The following DPY19L1 variants were observed in gnomAD, a reference collection of about 807,000 sequenced individuals.
DPY19L1 encodes the protein protein C-mannosyl-transferase DPY19L1.
In DPY19L1, 35 loss-of-function variants were observed where a neutral mutation model predicts 96.9. The ratio of observed to expected loss-of-function variants is 0.36; its 90% CI spans 0.28 to 0.48. The LOEUF (loss-of-function observed/expected upper bound fraction) is 0.48. Ranked by LOEUF, DPY19L1 falls within the 20% of genes least tolerant of loss-of-function variation. The pLI is 0.99. For missense variants in DPY19L1, 521 were observed against 777.9 expected, an observed-to-expected ratio of 0.67 and a Z score of 3.93; for synonymous variants, 205 against 252.6, an observed-to-expected ratio of 0.81 and a Z score of 1.79.
chr7:34,940,430 C>G (rs1783980808), intron 18 of DPY19L1, 103 bp from the exon 19 acceptor site: 1 of 880,288 alleles, frequency 1.1e-6, no homozygotes, highest in Non-Finnish European at 1.6e-6. Context: ...TGCTAGAGTC[C>G]CAAATAAAGG....
chr7:35,018,562 A>G lies in DPY19L1; in HGVS notation c.323+10T>C. On this transcript the variant is annotated intron_variant, in intron 2 of 21. Coordinates refer to ENST00000638088, the MANE Select transcript of DPY19L1 (RefSeq NM_001366673.1). ...GCATAAAATACCATAGGAGAAAAAA[A>G]CAATCTTACCAGTGCAACACTGCTG... 1.2e-6 allele frequency: 2 copies of G among 1,606,732 alleles called. No individual in the cohort carries two copies. Among genetic ancestry groups the G allele is most frequent in the Non-Finnish European group, 1.7e-6 (2 of 1,177,134 alleles).
At position 34,931,483 on chromosome 7, in the gene DPY19L1, A is replaced by C. The variant is rs1337833289; in HGVS notation, c.*90T>G. On this transcript the variant is annotated 3_prime_UTR_variant, in exon 22 of 22. Coordinates refer to ENST00000638088, the MANE Select transcript of DPY19L1 (RefSeq NM_001366673.1). ...TCTATTTGAAAACAGTTACCTATAA[A>C]AGTTTTTGGGATATGAACAACACAT... The C allele has an allele frequency of 5.2e-6, 7 of 1,352,368 alleles. No homozygotes were observed. The African/African-American group carries it at 1.0e-4, about 20-fold the overall frequency. 83.8% of individuals were successfully genotyped at this position (1,352,368 alleles called of 1,614,324 possible).
intron 6 of DPY19L1, among the ~76,000 whole-genome samples, chr7:34,999,084 T>C (rs1487188042): frequency 1.3e-5 from 2 of 152,210 alleles, no homozygotes; most frequent in African/African-American, 4.8e-5. Context: ...AAAAAAAGTT[T>C]TCCTCCAAAG....
At position 35,028,682 on chromosome 7, in the gene DPY19L1, C is replaced by T. The variant is rs138347229; in HGVS notation, c.298+8415G>A. ...CATTCAGTAAAGGAATAAAGAATGG[C>T]TACTCCATAGGTAGAACAGTTTGGG... On this transcript the variant is annotated intron_variant, in intron 1 of 21. Transcript: ENST00000638088. 3.8e-3 allele frequency among the ~76,000 whole-genome samples: 586 copies of T among 152,274 alleles called. 7 individuals carry two copies. Among genetic ancestry groups the T allele is most frequent in the African/African-American group, 0.013 (558 of 41,546 alleles).
chr7:34,960,657 A>G (rs557915171), intron 10 of DPY19L1, among the ~76,000 whole-genome samples: 137 of 152,290 alleles, frequency 9.0e-4, no homozygotes, highest in Non-Finnish European at 4.1e-4. Context: ...GGCAGTAGGC[A>G]TATTTACCAT....
chr7:34,957,189 C>T (rs921694539), intron 11 of DPY19L1, among the ~76,000 whole-genome samples: 1 of 151,778 alleles, frequency 6.6e-6, no homozygotes, highest in South Asian at 2.1e-4. Context: ...TAGAGACCAG[C>T]CTGACCAACA....
intron 6 of DPY19L1, among the ~76,000 whole-genome samples, chr7:34,996,678 C>T (rs1360442156): frequency 6.6e-6 from 1 of 152,058 alleles, no homozygotes; most frequent in Non-Finnish European, 1.5e-5. Flanking sequence ...GACCCAATCC[C>T]ACTCCATGCA....
chr7:34,972,898 G>A (rs1450287167), intron 8 of DPY19L1, among the ~76,000 whole-genome samples: 1 of 152,204 alleles, frequency 6.6e-6, no homozygotes, highest in Non-Finnish European at 1.5e-5. Flanking sequence ...TATACTTGCT[G>A]TAACAATCAG....
chr7:34,935,990 T>C (rs1162096476), intron 21 of DPY19L1, among the ~76,000 whole-genome samples: 1 of 152,012 alleles, frequency 6.6e-6, no homozygotes, highest in Non-Finnish European at 1.5e-5. Flanking sequence ...AGAGTGTTGT[T>C]TTAATGAGTG....
In DPY19L1 at chr7:35,019,034, G is replaced by A. The variant is rs188869677; in HGVS notation, c.299-438C>T. On this transcript the variant is annotated intron_variant, in intron 1 of 21. Transcript: ENST00000638088. ...GAAATTTTATGACAAATATTAACCC[G>A]TGTCTTTAAACAAATTTAAAATGAA... is the stretch of plus-strand genomic sequence containing the variant. 2.8e-3 allele frequency among the ~76,000 whole-genome samples: 427 copies of A among 152,146 alleles called. 8 individuals are homozygous for A. The highest frequency in any genetic ancestry group is 3.4e-3 in the Middle Eastern group (1 of 294).
chr7:34,957,771 G>A (rs1200151021), intron 11 of DPY19L1, among the ~76,000 whole-genome samples: 2 of 151,814 alleles, frequency 1.3e-5, no homozygotes, highest in Non-Finnish European at 2.9e-5. Flanking sequence ...GGAGAAGAAA[G>A]CATAGAAACT....
At chr7:34,979,833 A>T (rs1206849248) in intron 7 of DPY19L1, among the ~76,000 whole-genome samples, 1 of 152,156 alleles carries the variant, frequency 6.6e-6, no homozygotes, top group Non-Finnish European at 1.5e-5. Context: ...AGGAATGTCC[A>T]TTCTAAATTA....
At position 35,004,170 on chromosome 7, in the gene DPY19L1, C is replaced by T. The variant is rs190979751; in HGVS notation, c.764+6298G>A. Among the ~76,000 whole-genome samples, 1,376 of 152,328 alleles carry T rather than the reference C, an allele frequency of 9.0e-3. 18 individuals are homozygous for T. The highest frequency in any genetic ancestry group is 0.014 in the Middle Eastern group (4 of 294). ...GGCTTAACTCTCACTTTTGGCTTGT[C>T]GCTTTAACCAGCCACTCCAATACCT... On this transcript the variant is annotated intron_variant, in intron 6 of 21. Coordinates refer to ENST00000638088, the MANE Select transcript of DPY19L1 (RefSeq NM_001366673.1).
At chr7:35,006,453 A>T (rs1291268600) in intron 6 of DPY19L1, among the ~76,000 whole-genome samples, 1 of 152,188 alleles carries the variant, frequency 6.6e-6, no homozygotes, top group Non-Finnish European at 1.5e-5. Context: ...ACTAGGGGGA[A>T]AGTTCTAACT....
At chr7:34,945,065 G>A (rs547429910) in intron 16 of DPY19L1, among the ~76,000 whole-genome samples, 2 of 152,142 alleles carry the variant, frequency 1.3e-5, no homozygotes, top group East Asian at 1.9e-4. Flanking sequence ...ATAAACTGTT[G>A]AACAAAAATG....
Position 34,941,693 on chromosome 7 carries a change from C to A in DPY19L1, c.1689+72G>T, listed in dbSNP as rs957026477. 7.7e-6 allele frequency: 11 copies of A among 1,437,606 alleles called. No homozygotes were observed. The Admixed American group carries it at 2.0e-4, about 27-fold the overall frequency. 89.1% of individuals were successfully genotyped at this position (1,437,606 alleles called of 1,614,324 possible). ...TAATCACTTAAAAGACTTTGTAATT[C>A]ATTATTTTAGGGCCACTCAATAATA... On this transcript the variant is annotated intron_variant, in intron 18 of 21. Transcript: ENST00000638088.
At chr7:34,980,783 A>G (rs920778198) in intron 7 of DPY19L1, among the ~76,000 whole-genome samples, 1 of 152,242 alleles carries the variant, frequency 6.6e-6, no homozygotes, top group Admixed American at 6.5e-5. Flanking sequence ...AGGACTGCCA[A>G]AGCCAAGCAC....
chr7:34,937,606 G>T (rs1271913652), intron 21 of DPY19L1, among the ~76,000 whole-genome samples: 1 of 151,908 alleles, frequency 6.6e-6, no homozygotes, highest in Non-Finnish European at 1.5e-5. Flanking sequence ...TATTTATAAA[G>T]ACTATAAAAG....
chr7:34,954,829 T>A (rs1159759478), intron 12 of DPY19L1, 51 bp from the exon 13 acceptor site: 1 of 915,100 alleles, frequency 1.1e-6, no homozygotes, highest in Non-Finnish European at 1.7e-6. Context: ...TCCACAGACA[T>A]AGGCTAGGAA....
Sources: gnomAD v4.1 joint callset for allele counts (sites outside exome capture counted in the v4.1 genomes callset) on GRCh38, gnomAD v4.1.1 for gene constraint, MANE v1.5 for transcripts, NCBI Gene and HGNC (gene_info 2026-07-23, HGNC 2026-07-21) for gene names.